Variants in SCUBE3 observed in about 807,000 individuals in gnomAD.
The protein encoded by SCUBE3 is signal peptide, CUB domain and EGF like domain containing 3.
SCUBE3 carries 33 observed loss-of-function variants against 116.8 expected under a neutral mutation model. That is an observed-to-expected ratio of 0.28 (90% confidence interval 0.21 to 0.38). The LOEUF is 0.38. Ranked by LOEUF, SCUBE3 falls within the 10% of genes least tolerant of loss-of-function variation. SCUBE3 has a pLI of 1.00. For missense variants in SCUBE3, 1,007 were observed against 1,324.8 expected, an observed-to-expected ratio of 0.76 and a Z score of 3.72; for synonymous variants, 418 against 496.9, an observed-to-expected ratio of 0.84 and a Z score of 2.11.
chr6:35,241,750 C>T lies in SCUBE3; in HGVS notation c.1313-56C>T. On this transcript the variant is annotated intron_variant, in intron 11 of 21. Transcript: ENST00000274938. The surrounding 1 kb of genome is among the most constrained non-coding windows in gnomAD (Gnocchi z 4.1). ...GCTCCTTCATTCCCCCTGGATTCCT[C>T]CAGCCAGCGGGGGTTGGGAAGGCAG... is the stretch of plus-strand genomic sequence containing the variant. 3.3e-6 allele frequency: 5 copies of T among 1,527,518 alleles called. No individual in the cohort carries two copies. The highest frequency in any genetic ancestry group is 4.5e-6 in the Non-Finnish European group (5 of 1,101,012). The allele number at this position is 1,527,518 out of a possible 1,614,324, so 94.6% of individuals were successfully genotyped here.
In SCUBE3 at chr6:35,226,546, G is replaced by A. The variant is rs139862387; in HGVS notation, c.86-1034G>A. Among the ~76,000 whole-genome samples, 201 of 129,866 alleles carry A rather than the reference G, an allele frequency of 1.5e-3. 2 individuals are homozygous for A. Among genetic ancestry groups the A allele is most frequent in the African/African-American group, 5.3e-3 (185 of 35,074 alleles). The allele number at this position is 129,866 out of a possible 152,430, so 85.2% of individuals were successfully genotyped here. A position where few individuals can be genotyped will look rare whatever the true frequency, so the allele number is the denominator to read the frequency against. On this transcript the variant is annotated intron_variant, in intron 1 of 21. Coordinates refer to ENST00000274938, the MANE Select transcript of SCUBE3 (RefSeq NM_152753.4). ...CGCCCAGGCTGGAGTGCATTAGCGC[G>A]ATCTCAGCTCACTGCAACCTCCGCC...
Position 35,241,240 on chromosome 6 carries a change from TGCACTGGAATG to T in SCUBE3, c.1173_1183del (p.His391GlnfsTer46). The T allele has an allele frequency of 6.3e-7, 1 of 1,598,954 alleles. No homozygotes were observed. The highest frequency in any genetic ancestry group is 8.6e-7 in the Non-Finnish European group (1 of 1,167,840). On this transcript the variant is annotated frameshift_variant, in exon 10 of 22. Coordinates refer to ENST00000274938, the MANE Select transcript of SCUBE3 (RefSeq NM_152753.4). LOFTEE classifies it high-confidence loss of function. This position sits in a 1 kb window ranked among gnomAD's most constrained non-coding sequence, Gnocchi z 4.1. Reference sequence around the variant, plus strand: ...ACCTGCCCAGCAGGCCAGGGTCGGCTGCACTGGAATGGCAAAGATTGCACAGGTGGGCAGTG... The same window carrying T: ...ACCTGCCCAGCAGGCCAGGGTCGGCTGCAAAGATTGCACAGGTGGGCAGTG...
Position 35,214,509 on chromosome 6 carries a change from G to A in SCUBE3, c.85+6G>A, listed in dbSNP as rs1229004577. 3.4e-6 allele frequency: 5 copies of A among 1,476,144 alleles called. No individual in the cohort carries two copies. The South Asian group carries it at 5.2e-5, about 15-fold the overall frequency. 91.4% of individuals were successfully genotyped at this position (1,476,144 alleles called of 1,614,324 possible). ...GTACAGCAAAGCCGCGCAAGGTAAG[G>A]AAGGAGGGGCGCGCGGCCTGGGGGC... On this transcript the variant is annotated splice_donor_region_variant and intron_variant, in intron 1 of 21. Coordinates refer to ENST00000274938, the MANE Select transcript of SCUBE3 (RefSeq NM_152753.4). This position sits in a 1 kb window ranked among gnomAD's most constrained non-coding sequence, Gnocchi z 6.3.
chr6:35,237,832 C>G (rs1783843706), intron 6 of SCUBE3, 70 bp from the exon 7 acceptor site: 1 of 943,074 alleles, frequency 1.1e-6, no homozygotes, highest in Non-Finnish European at 1.7e-6. Context: ...GTGGTCTCCA[C>G]TACCCTCAGA....
Position 35,243,045 on chromosome 6 carries a change from G to A in SCUBE3, c.1718G>A (p.Arg573Gln), listed in dbSNP as rs754552974. The A allele has an allele frequency of 6.8e-5, 110 of 1,613,978 alleles. No individual in the cohort carries two copies. The highest frequency in any genetic ancestry group is 8.8e-5 in the Non-Finnish European group (104 of 1,180,030). ...GCCAGCTGTGGGCTGCCCTGCCTCC[G>A]ACAGCGAATGGAACGGCGGCTGAAA... is the stretch of plus-strand genomic sequence containing the variant. Reference protein sequence around the residue: ...TTASCGLPCLRQRMERRLKGS... With the variant: ...TTASCGLPCLQQRMERRLKGS... The change falls in exon 15 of 22, where the codon CGA becomes CAA. Residue 573 changes from arginine to glutamine, a missense_variant. By Grantham distance (43) the Arg-to-Gln change is conservative. This residue lies in a region of SCUBE3 where 544 missense variants were observed against 638.9 expected (regional missense o/e 0.85). Coordinates refer to ENST00000274938, the MANE Select transcript of SCUBE3 (RefSeq NM_152753.4). The surrounding 1 kb of genome is among the most constrained non-coding windows in gnomAD (Gnocchi z 6.6).
intron 2 of SCUBE3, 136 bp downstream of exon 2, chr6:35,227,838 G>A (rs989733397): frequency 7.7e-5 from 68 of 885,926 alleles, no homozygotes; most frequent in Non-Finnish European, 1.1e-4. Flanking sequence ...GTGGTGAGGG[G>A]GGCAACTGCA....
chr6:35,218,707 A>G (rs1484662683), intron 1 of SCUBE3, among the ~76,000 whole-genome samples: 1 of 152,034 alleles, frequency 6.6e-6, no homozygotes, highest in Admixed American at 6.6e-5. Flanking sequence ...CAACCCAGGG[A>G]TGTCTAGGGG....
chr6:35,225,216 G>A (rs1164797446), intron 1 of SCUBE3, among the ~76,000 whole-genome samples: 2 of 152,198 alleles, frequency 1.3e-5, no homozygotes, highest in East Asian at 3.8e-4. Context: ...AGCCTCTCAT[G>A]AGGAGGTATT....
chr6:35,243,477 C>G lies in SCUBE3; in HGVS notation c.1910-117C>G. 1 of 1,066,194 alleles carries G rather than the reference C, an allele frequency of 9.4e-7. No individual in the cohort carries two copies. Among genetic ancestry groups the G allele is most frequent in the Non-Finnish European group, 1.4e-6 (1 of 737,258 alleles). 66.0% of individuals were successfully genotyped at this position (1,066,194 alleles called of 1,614,324 possible). A position where few individuals can be genotyped will look rare whatever the true frequency, so the allele number is the denominator to read the frequency against. On this transcript the variant is annotated intron_variant, in intron 15 of 21. Transcript: ENST00000274938. This position sits in a 1 kb window ranked among gnomAD's most constrained non-coding sequence, Gnocchi z 6.6. Reference sequence around the variant, plus strand: ...CCCCCCAAGTAGGATTGTGTTTGTTCCCTGACAGAGATTCTCCCTGAATCG... The same window carrying G: ...CCCCCCAAGTAGGATTGTGTTTGTTGCCTGACAGAGATTCTCCCTGAATCG...
In SCUBE3 at chr6:35,239,375, C is replaced by T. The variant is rs2150307694; in HGVS notation, c.830-377C>T. Among the ~76,000 whole-genome samples the T allele has an allele frequency of 6.6e-6, 1 of 152,238 alleles. No homozygotes were observed. Among genetic ancestry groups the T allele is most frequent in the African/African-American group, 2.4e-5 (1 of 41,556 alleles). ...AAAGAGATAACCCTTACCCACCAAC[C>T]TTTCAGGGAATGGCCATCAGCTGGA... On this transcript the variant is annotated intron_variant, in intron 7 of 21. Transcript: ENST00000274938. The surrounding 1 kb of genome is among the most constrained non-coding windows in gnomAD (Gnocchi z 4.1).
chr6:35,251,971 G>A lies in SCUBE3; in HGVS notation c.*3266G>A, dbSNP rs1302123904. 1 of 152,264 alleles carries A rather than the reference G, an allele frequency of 6.6e-6. No homozygotes were observed. Among genetic ancestry groups the A allele is most frequent in the Non-Finnish European group, 1.5e-5 (1 of 68,086 alleles). 9.4% of individuals were successfully genotyped at this position (152,264 alleles called of 1,614,324 possible). A position where few individuals can be genotyped will look rare whatever the true frequency, so the allele number is the denominator to read the frequency against. On this transcript the variant is annotated 3_prime_UTR_variant, in exon 22 of 22. Transcript: ENST00000274938. ...TAGGATCCCTTCATGAAGCAACCCA[G>A]AGGCCTCTCTGCAGCGTGTAGGGTG...
Position 35,231,441 on chromosome 6 carries a change from C to A in SCUBE3, c.335-284C>A, listed in dbSNP as rs1202421732. On this transcript the variant is annotated intron_variant, in intron 3 of 21. Transcript: ENST00000274938. The surrounding 1 kb of genome is among the most constrained non-coding windows in gnomAD (Gnocchi z 4.2). ...TTCCTGGTGTCCTCTGTCTTCATACCCAGTTTACACAGGTGAGGGAAAGGG... is the reference window on the plus strand; with the variant it reads ...TTCCTGGTGTCCTCTGTCTTCATACACAGTTTACACAGGTGAGGGAAAGGG... Among the ~76,000 whole-genome samples the A allele has an allele frequency of 6.6e-6, 1 of 152,182 alleles. No homozygotes were observed. Among genetic ancestry groups the A allele is most frequent in the Non-Finnish European group, 1.5e-5 (1 of 68,028 alleles).
chr6:35,244,826 A>G lies in SCUBE3; in HGVS notation c.2401+15A>G. On this transcript the variant is annotated intron_variant, in intron 18 of 21. Coordinates refer to ENST00000274938, the MANE Select transcript of SCUBE3 (RefSeq NM_152753.4). The surrounding 1 kb of genome is among the most constrained non-coding windows in gnomAD (Gnocchi z 4.3). ...CCAATGCAAGAGTACGTGGCAAGCC[A>G]GGCTGTGCAAAAGGGAGGAGAGAGG... The G allele has an allele frequency of 6.2e-7, 1 of 1,613,700 alleles. No homozygotes were observed. The highest frequency in any genetic ancestry group is 8.5e-7 in the Non-Finnish European group (1 of 1,179,670).
At position 35,248,711 on chromosome 6, in the gene SCUBE3, C is replaced by T; in HGVS notation, c.*6C>T. ...TCCTGAGGCCCTACAAATAGTAACCCTAGGCTCAGAGACCCAATTTTTTAA... is the reference window on the plus strand; with the variant it reads ...TCCTGAGGCCCTACAAATAGTAACCTTAGGCTCAGAGACCCAATTTTTTAA... On this transcript the variant is annotated 3_prime_UTR_variant, in exon 22 of 22. Transcript: ENST00000274938. 6.2e-7 allele frequency: 1 copy of T among 1,613,464 alleles called. No individual in the cohort carries two copies. Among genetic ancestry groups the T allele is most frequent in the Non-Finnish European group, 8.5e-7 (1 of 1,179,658 alleles).
At position 35,219,911 on chromosome 6, in the gene SCUBE3, C is replaced by T. The variant is rs2150283524; in HGVS notation, c.85+5408C>T. ...GCATAGTGAATCCAAGGGCAGGCAA[C>T]ACCTGCCCACTGTTGCATTGCCCAC... On this transcript the variant is annotated intron_variant, in intron 1 of 21. Coordinates refer to ENST00000274938, the MANE Select transcript of SCUBE3 (RefSeq NM_152753.4). The surrounding 1 kb of genome is among the most constrained non-coding windows in gnomAD (Gnocchi z 4.7). Among the ~76,000 whole-genome samples the T allele has an allele frequency of 6.6e-6, 1 of 152,284 alleles. No individual in the cohort carries two copies. The highest frequency in any genetic ancestry group is 1.9e-4 in the East Asian group (1 of 5,192).
chr6:35,247,306 C>T (rs1273121630), intron 21 of SCUBE3, among the ~76,000 whole-genome samples: 3 of 151,732 alleles, frequency 2.0e-5, no homozygotes, highest in Admixed American at 1.3e-4. Context: ...GGTGTGGTGG[C>T]GGGCGCCTGC....
chr6:35,236,726 G>A (rs111815394), intron 6 of SCUBE3, among the ~76,000 whole-genome samples: 1,943 of 152,272 alleles, frequency 0.013, 14 homozygotes, highest in African/African-American at 0.022. Flanking sequence ...GAAGATGACA[G>A]TACATCCAGT....
At chr6:35,220,793 C>T (rs1783093342) in intron 1 of SCUBE3, 1 of 152,210 alleles carries the variant, frequency 6.6e-6, no homozygotes. Context: ...GGAGAAAGTG[C>T]TCTGTCTCCG....
Position 35,240,204 on chromosome 6 carries a change from G to A in SCUBE3, c.953-170G>A, listed in dbSNP as rs984190837. 6.6e-6 allele frequency among the ~76,000 whole-genome samples: 1 copy of A among 152,146 alleles called. No individual in the cohort carries two copies. Among genetic ancestry groups the A allele is most frequent in the Non-Finnish European group, 1.5e-5 (1 of 68,018 alleles). Reference sequence around the variant, plus strand: ...AATTCCAAGGACTTCAAATAGAGGGGGCAGAGAAGATGGAATGGCATTGTT... The same window carrying A: ...AATTCCAAGGACTTCAAATAGAGGGAGCAGAGAAGATGGAATGGCATTGTT... On this transcript the variant is annotated intron_variant, in intron 8 of 21. Transcript: ENST00000274938. The surrounding 1 kb of genome is among the most constrained non-coding windows in gnomAD (Gnocchi z 4.6).
Sources: allele counts gnomAD v4.1 joint callset (sites outside exome capture counted in the v4.1 genomes callset), GRCh38; gene constraint gnomAD v4.1.1; regional missense constraint gnomAD v4.1.1; non-coding constraint Gnocchi (gnomAD v3.1); transcripts MANE v1.5; gene names NCBI Gene and HGNC (gene_info 2026-07-23, HGNC 2026-07-21).